DTD1: variants seen among roughly 807,000 people sequenced by gnomAD.
DTD1 encodes the protein D-aminoacyl-tRNA deacylase 1.
Under a neutral mutation model 25.6 loss-of-function variants are expected in DTD1, and 13 were observed. That is an observed-to-expected ratio of 0.51 (90% CI 0.33 to 0.81). The LOEUF is 0.81. DTD1 is among the 30% of genes least tolerant of loss of function. The pLI, the probability that DTD1 is intolerant of heterozygous loss-of-function variation, is 0.02. For synonymous variants in DTD1, 110 were observed against 103.6 expected, an observed-to-expected ratio of 1.06 and a Z score of -0.37; for missense variants, 193 against 266.4, an observed-to-expected ratio of 0.72 and a Z score of 1.92.
intron 4 of DTD1, among the ~76,000 whole-genome samples, chr20:18,652,729 G>A (rs893639464): frequency 2.6e-5 from 4 of 152,178 alleles, no homozygotes; most frequent in African/African-American, 4.8e-5. Flanking sequence ...TTGTAGACCT[G>A]TTTTGGATAT....
intron 3 of DTD1, among the ~76,000 whole-genome samples, chr20:18,618,916 T>A (rs865844130): frequency 2.3e-4 from 35 of 152,160 alleles, no homozygotes; most frequent in Non-Finnish European, 1.3e-4. Flanking sequence ...TTTCACCATG[T>A]TGGCCAGGCT....
chr20:18,714,415 A>G (rs1489686286), intron 4 of DTD1, among the ~76,000 whole-genome samples: 2 of 152,126 alleles, frequency 1.3e-5, no homozygotes, highest in African/African-American at 4.8e-5. Context: ...ATTTCTTGCT[A>G]TGGGGATAAT....
Position 18,600,500 on chromosome 20 carries a change from T to A in DTD1, c.370+4259T>A, listed in dbSNP as rs575355030. 2.4e-4 allele frequency among the ~76,000 whole-genome samples: 37 copies of A among 152,366 alleles called. No homozygotes were observed. The South Asian group carries it at 7.2e-3, about 30-fold the overall frequency. ...ATTGATACCACACTGTCTTATTTATTGTAGCTTTATTATAAGTATTGAAGT... is the reference window on the plus strand; with the variant it reads ...ATTGATACCACACTGTCTTATTTATAGTAGCTTTATTATAAGTATTGAAGT... On this transcript the variant is annotated intron_variant, in intron 3 of 5. Coordinates refer to ENST00000377452, the MANE Select transcript of DTD1 (RefSeq NM_080820.6).
At chr20:18,642,113 A>G (rs2060830897) in intron 4 of DTD1, among the ~76,000 whole-genome samples, 1 of 152,140 alleles carries the variant, frequency 6.6e-6, no homozygotes, top group Admixed American at 6.6e-5. Context: ...TATTTTCTGA[A>G]ATCACTTGAG....
intron 4 of DTD1, among the ~76,000 whole-genome samples, chr20:18,695,486 C>CTTCCT (rs1357172631): frequency 9.9e-6 from 1 of 100,548 alleles, no homozygotes; most frequent in East Asian, 3.4e-4. Context: ...CTTCCCTTCC[C>CTTCCT]TTCCTTTCCT....
intron 5 of DTD1, among the ~76,000 whole-genome samples, chr20:18,762,013 A>G (rs1169309746): frequency 6.6e-6 from 1 of 152,202 alleles, no homozygotes; most frequent in African/African-American, 2.4e-5. Flanking sequence ...CCTTGGGGAT[A>G]TGGTGGCAGA....
intron 4 of DTD1, among the ~76,000 whole-genome samples, chr20:18,691,738 T>G (rs2061048372): frequency 6.6e-6 from 1 of 152,172 alleles, no homozygotes; most frequent in Non-Finnish European, 1.5e-5. Flanking sequence ...GTAACAAACC[T>G]ACACATGTAC....
At chr20:18,616,805 T>C (rs2060710633) in intron 3 of DTD1, among the ~76,000 whole-genome samples, 1 of 152,172 alleles carries the variant, frequency 6.6e-6, no homozygotes, top group South Asian at 2.1e-4. Flanking sequence ...AGACCCTGTC[T>C]CTAAAAAATT....
intron 5 of DTD1, 114 bp from the exon 6 acceptor site, chr20:18,763,246 G>A (rs2061369662): frequency 6.6e-6 from 1 of 152,614 alleles, no homozygotes; most frequent in Non-Finnish European, 1.5e-5. Flanking sequence ...GTCACTGTAT[G>A]AGCTTGAAAA....
Position 18,724,721 on chromosome 20 carries a change from G to A in DTD1, c.478-19379G>A, listed in dbSNP as rs1427890368. Among the ~76,000 whole-genome samples, 4 of 152,100 alleles carry A rather than the reference G, an allele frequency of 2.6e-5. No homozygotes were observed. The South Asian group carries it at 6.2e-4, about 24-fold the overall frequency. ...ATACACTTTCATTTTTCTTCAAATT[G>A]ACCTAAAAACAGGAGCCTTCCCTCC... is the stretch of plus-strand genomic sequence containing the variant. On this transcript the variant is annotated intron_variant, in intron 4 of 5. Coordinates refer to ENST00000377452, the MANE Select transcript of DTD1 (RefSeq NM_080820.6).
intron 4 of DTD1, among the ~76,000 whole-genome samples, chr20:18,689,804 G>A (rs1600370466): frequency 8.7e-6 from 1 of 115,530 alleles, no homozygotes; most frequent in East Asian, 2.4e-4. Flanking sequence ...CAGTTAGACT[G>A]TGGAACTTAA....
intron 4 of DTD1, among the ~76,000 whole-genome samples, chr20:18,643,921 A>G (rs2060840292): frequency 6.6e-6 from 1 of 152,076 alleles, no homozygotes; most frequent in Non-Finnish European, 1.5e-5. Flanking sequence ...AAATGGTCCT[A>G]TATTGCCTAT....
chr20:18,693,638 CAG>C (rs1405472428), intron 4 of DTD1, among the ~76,000 whole-genome samples: 2 of 138,276 alleles, frequency 1.4e-5, no homozygotes, highest in African/African-American at 5.8e-5. Context: ...GCCTGGGTGA[CAG>C]AGCGAGACTC....
chr20:18,729,796 T>C (rs764571003), intron 4 of DTD1, among the ~76,000 whole-genome samples: 1 of 152,206 alleles, frequency 6.6e-6, no homozygotes, highest in Non-Finnish European at 1.5e-5. Flanking sequence ...CCCAGGGCCT[T>C]CCTGCCTCCT....
chr20:18,631,199 C>G (rs1237795321), intron 4 of DTD1: 6 of 985,366 alleles, frequency 6.1e-6, no homozygotes, highest in Non-Finnish European at 7.2e-6. Context: ...GGGCTGAGTC[C>G]AGCCTCTCCC....
intron 3 of DTD1, among the ~76,000 whole-genome samples, chr20:18,623,635 C>T (rs535190017): frequency 3.9e-5 from 6 of 152,260 alleles, no homozygotes; most frequent in South Asian, 2.1e-4. Context: ...GAGAGCAGAA[C>T]GCCGCTTCTG....
At chr20:18,750,980 T>C (rs1156567615) in intron 5 of DTD1, among the ~76,000 whole-genome samples, 2 of 152,232 alleles carry the variant, frequency 1.3e-5, no homozygotes, top group African/African-American at 4.8e-5. Context: ...AGCTGCCATC[T>C]GTTTGCTTTT....
Position 18,708,255 on chromosome 20 carries a change from TATATATATTTTATATATATATA to T in DTD1, c.478-35835_478-35814del, listed in dbSNP as rs1568676803. 4.5e-4 allele frequency among the ~76,000 whole-genome samples: 16 copies of T among 35,384 alleles called. 1 individual carries two copies. The highest frequency in any genetic ancestry group is 1.3e-3 in the African/African-American group (12 of 9,518). 23.2% of individuals were successfully genotyped at this position (35,384 alleles called of 152,430 possible). Reference sequence around the variant, plus strand: ...TTTTATATATATATAATATATATTATATATATATTTTATATATATATAATATATATTATATATATATAATATA... The same window carrying T: ...TTTTATATATATATAATATATATTATATATATATTATATATATATAATATA... On this transcript the variant is annotated intron_variant, in intron 4 of 5. Transcript: ENST00000377452.
intron 5 of DTD1, among the ~76,000 whole-genome samples, chr20:18,750,692 T>C (rs1408262705): frequency 6.6e-6 from 1 of 152,220 alleles, no homozygotes; most frequent in Non-Finnish European, 1.5e-5. Flanking sequence ...TCTGTCTCAA[T>C]CCTTCGGGCT....
Sources: allele counts gnomAD v4.1 joint callset (sites outside exome capture counted in the v4.1 genomes callset), GRCh38; gene constraint gnomAD v4.1.1; transcripts MANE v1.5; gene names NCBI Gene and HGNC (gene_info 2026-07-23, HGNC 2026-07-21).